Variants in WWOX observed in about 807,000 individuals in gnomAD.
WWOX encodes the protein WW domain-containing oxidoreductase.
WWOX carries 69 observed loss-of-function variants against 46.2 expected under a neutral mutation model. The observed-to-expected ratio is 1.49, with a 90% confidence interval of 1.23 to 1.82. The LOEUF (loss-of-function observed/expected upper bound fraction) is 1.82, where lower values mean the gene tolerates loss of function less well. Among genes scored for constraint, WWOX ranks in the 40% most tolerant of loss-of-function variants. The pLI is 0.00. For synonymous variants in WWOX, 359 were observed against 202.6 expected, an observed-to-expected ratio of 1.77 and a Z score of -6.56; for missense variants, 919 against 542.6, an observed-to-expected ratio of 1.69 and a Z score of -6.89.
At chr16:78,299,222 G>A (rs2079997447) in intron 5 of WWOX, among the ~76,000 whole-genome samples, 1 of 152,162 alleles carries the variant, frequency 6.6e-6, no homozygotes, top group South Asian at 2.1e-4. Context: ...ATTACTCAGT[G>A]GGTGCCGTAA....
chr16:79,066,833 C>T (rs567275548), intron 8 of WWOX, among the ~76,000 whole-genome samples: 1 of 152,308 alleles, frequency 6.6e-6, no homozygotes, highest in South Asian at 2.1e-4. Context: ...CACCATTTTC[C>T]AGTTTAACTT....
chr16:78,608,793 G>A (rs1374139858), intron 8 of WWOX, among the ~76,000 whole-genome samples: 1 of 152,118 alleles, frequency 6.6e-6, no homozygotes, highest in Non-Finnish European at 1.5e-5. Context: ...AGGGGTTCCT[G>A]GGTTGAAGTA....
chr16:78,889,407 C>G (rs2044539293), intron 8 of WWOX, among the ~76,000 whole-genome samples: 2 of 136,332 alleles, frequency 1.5e-5, no homozygotes, highest in African/African-American at 2.8e-5. Flanking sequence ...AACTGGGTCC[C>G]CCATCTAAGA....
At chr16:78,332,332 G>C (rs1484717200) in intron 5 of WWOX, among the ~76,000 whole-genome samples, 1 of 152,178 alleles carries the variant, frequency 6.6e-6, no homozygotes, top group African/African-American at 2.4e-5. Flanking sequence ...TAAAGCTTAA[G>C]AAACACCCCA....
At chr16:79,006,593 A>G (rs2047195766) in intron 8 of WWOX, among the ~76,000 whole-genome samples, 1 of 152,134 alleles carries the variant, frequency 6.6e-6, no homozygotes, top group Admixed American at 6.5e-5. Flanking sequence ...CAATGATTAC[A>G]AATGTACCGT....
intron 5 of WWOX, among the ~76,000 whole-genome samples, chr16:78,229,130 C>T (rs2037163596): frequency 6.6e-6 from 1 of 152,082 alleles, no homozygotes; most frequent in Non-Finnish European, 1.5e-5. Context: ...ATCTACCTAA[C>T]CTCTCCCATT....
At chr16:79,139,568 C>G (rs577121924) in intron 8 of WWOX, among the ~76,000 whole-genome samples, 4 of 152,118 alleles carry the variant, frequency 2.6e-5, no homozygotes, top group African/African-American at 7.2e-5. Flanking sequence ...GTGGAAGTCA[C>G]GTGGGCTTTT....
At chr16:78,648,350 C>T (rs962728046) in intron 8 of WWOX, among the ~76,000 whole-genome samples, 2 of 152,170 alleles carry the variant, frequency 1.3e-5, no homozygotes, top group African/African-American at 2.4e-5. Flanking sequence ...TCATCAGGAG[C>T]CAGCCGGCTC....
At chr16:79,167,732 C>G (rs2050622768) in intron 8 of WWOX, among the ~76,000 whole-genome samples, 1 of 152,220 alleles carries the variant, frequency 6.6e-6, no homozygotes, top group Admixed American at 6.5e-5. Context: ...TCCCTGCAAA[C>G]ATTGTTTTAG....
At chr16:78,352,513 T>C (rs2081206034) in intron 5 of WWOX, among the ~76,000 whole-genome samples, 1 of 152,196 alleles carries the variant, frequency 6.6e-6, no homozygotes, top group Admixed American at 6.5e-5. Flanking sequence ...GGATGGCTGC[T>C]CAAGTCCTTC....
intron 8 of WWOX, among the ~76,000 whole-genome samples, chr16:78,617,943 AG>A (rs1457799316): frequency 4.6e-5 from 7 of 152,216 alleles, no homozygotes; most frequent in Non-Finnish European, 5.9e-5. Flanking sequence ...TGAGTGGGAA[AG>A]GACTTTTAAT....
At chr16:79,192,295 G>A (rs539469629) in intron 8 of WWOX, among the ~76,000 whole-genome samples, 20 of 147,550 alleles carry the variant, frequency 1.4e-4, no homozygotes, top group South Asian at 4.3e-4. Context: ...TGTTATTTTC[G>A]CAGTGATTCA....
intron 5 of WWOX, among the ~76,000 whole-genome samples, chr16:78,224,323 G>A (rs752152776): frequency 1.3e-4 from 19 of 151,728 alleles, no homozygotes; most frequent in African/African-American, 4.6e-4. Context: ...TCTTTGTTAA[G>A]TGGAACAAGT....
At position 78,395,284 on chromosome 16, in the gene WWOX, C is replaced by G. The variant is rs111247552; in HGVS notation, c.605+8336C>G. On this transcript the variant is annotated intron_variant, in intron 6 of 8. Transcript: ENST00000566780. ...CTGTTATCCCAGCACTTTGGGAGGC[C>G]AAGGCAGGCAGGTTGCTTGAGTTCC... Among the ~76,000 whole-genome samples, 392 of 152,244 alleles carry G rather than the reference C, an allele frequency of 2.6e-3. 4 individuals carry two copies. Among genetic ancestry groups the G allele is most frequent in the African/African-American group, 9.2e-3 (382 of 41,548 alleles).
chr16:79,129,448 TA>T (rs932922380), intron 8 of WWOX, among the ~76,000 whole-genome samples: 2 of 150,060 alleles, frequency 1.3e-5, no homozygotes, highest in Admixed American at 6.7e-5. Context: ...TTAAAATGTG[TA>T]AAAAGTTTAT....
At chr16:78,971,193 G>A (rs1445601651) in intron 8 of WWOX, among the ~76,000 whole-genome samples, 2 of 152,074 alleles carry the variant, frequency 1.3e-5, no homozygotes, top group Non-Finnish European at 2.9e-5. Flanking sequence ...GGGCACGGTG[G>A]CCTACACCTG....
At chr16:78,376,466 T>C (rs921871982) in intron 5 of WWOX, among the ~76,000 whole-genome samples, 2 of 152,224 alleles carry the variant, frequency 1.3e-5, no homozygotes, top group African/African-American at 4.8e-5. Context: ...TCACTTTATA[T>C]GTTATCAACT....
At chr16:78,453,549 T>C (rs763490715) in intron 8 of WWOX, among the ~76,000 whole-genome samples, 1 of 152,130 alleles carries the variant, frequency 6.6e-6, no homozygotes, top group Non-Finnish European at 1.5e-5. Flanking sequence ...TTTGTTCAAG[T>C]TATATTGTGC....
intron 8 of WWOX, chr16:78,780,473 C>G (rs1425991438): frequency 1.3e-5 from 2 of 152,206 alleles, no homozygotes; most frequent in Non-Finnish European, 2.9e-5. Flanking sequence ...TCTGACTTAA[C>G]AGGACTTCCG....
Sources: gnomAD v4.1 joint callset for allele counts (sites outside exome capture counted in the v4.1 genomes callset) on GRCh38, gnomAD v4.1.1 for gene constraint, MANE v1.5 for transcripts, NCBI Gene and HGNC (gene_info 2026-07-23, HGNC 2026-07-21) for gene names.